Variants in DSCAM observed in about 807,000 individuals in gnomAD.
The protein encoded by DSCAM is cell adhesion molecule DSCAM.
A neutral mutation model predicts 217.7 loss-of-function variants in DSCAM; 47 were observed. That is an observed-to-expected ratio of 0.22 (90% CI 0.17 to 0.28). The LOEUF (loss-of-function observed/expected upper bound fraction) is 0.28. Ranked by LOEUF, DSCAM falls within the 10% of genes least tolerant of loss-of-function variation. The probability of loss-of-function intolerance (pLI) is 1.00; values close to 1 mark genes in which losing one functional copy is unlikely to be tolerated. For missense variants in DSCAM, 2,080 were observed against 2,618.3 expected, an observed-to-expected ratio of 0.79 and a Z score of 4.49; for synonymous variants, 1,056 against 1,015.3, an observed-to-expected ratio of 1.04 and a Z score of -0.76.
At position 40,784,230 on chromosome 21, in the gene DSCAM, A is replaced by T. The variant is rs183455988; in HGVS notation, c.43+62389T>A. On this transcript the variant is annotated intron_variant, in intron 1 of 32. Transcript: ENST00000400454. ...GGAGAAACCCAGTGGGAGGTAATTG[A>T]ATCATGGGGGCGGTTTCCCCTATAC... Among the ~76,000 whole-genome samples, 1,000 of 152,236 alleles carry T rather than the reference A, an allele frequency of 6.6e-3. 5 individuals are homozygous for T. The highest frequency in any genetic ancestry group is 0.011 in the Non-Finnish European group (774 of 68,006).
rs138462221 is a variant in DSCAM, at chr21:40,198,686, G to A, written c.2357-9448C>T. Among the ~76,000 whole-genome samples, 1,183 of 152,316 alleles carry A rather than the reference G, an allele frequency of 7.8e-3. 18 individuals are homozygous for A. Among genetic ancestry groups the A allele is most frequent in the African/African-American group, 0.028 (1,148 of 41,562 alleles). On this transcript the variant is annotated intron_variant, in intron 11 of 32. Coordinates refer to ENST00000400454, the MANE Select transcript of DSCAM (RefSeq NM_001389.5). The stretch of plus-strand genomic sequence containing the variant: ...CCATAGCCATTGCTGGGCAGTTGCA[G>A]GAAAGGGGAGCCTGGGGCTCCAGGG...
chr21:40,395,861 A>G (rs549020734), intron 3 of DSCAM, among the ~76,000 whole-genome samples: 138 of 152,284 alleles, frequency 9.1e-4, no homozygotes, highest in African/African-American at 2.9e-3. Flanking sequence ...TGACCTGATC[A>G]TTTATTTGCC....
chr21:40,708,716 C>T lies in DSCAM; in HGVS notation c.99G>A (p.Glu33=), dbSNP rs763085684. The change falls in exon 2 of 33, where the codon GAG becomes GAA. Residue 33 remains glutamate, a synonymous_variant. Coordinates refer to ENST00000400454, the MANE Select transcript of DSCAM (RefSeq NM_001389.5). ...TCCCCGTGGTGCTGGCAAACACTAC[C>T]TCTTGCAGAGATGCATTGACAAAGT... is the stretch of plus-strand genomic sequence containing the variant. ...SLYFVNASLQ[E]VVFASTTGTL... 4 of 1,608,680 alleles carry T rather than the reference C, an allele frequency of 2.5e-6. No individual in the cohort carries two copies. Among genetic ancestry groups the T allele is most frequent in the South Asian group, 1.1e-5 (1 of 89,390 alleles).
chr21:40,688,737 C>T (rs991842875), intron 3 of DSCAM, among the ~76,000 whole-genome samples: 1 of 152,148 alleles, frequency 6.6e-6, no homozygotes, highest in Non-Finnish European at 1.5e-5. Context: ...AAGGGTCACC[C>T]TGTAAGGCCC....
intron 1 of DSCAM, among the ~76,000 whole-genome samples, chr21:40,805,636 C>A (rs2091779388): frequency 6.6e-6 from 1 of 152,018 alleles, no homozygotes; most frequent in African/African-American, 2.4e-5. Flanking sequence ...CCTATACCAT[C>A]TAGCCTGTTG....
Position 40,347,662 on chromosome 21 carries a change from C to A in DSCAM, c.1210+8G>T, listed in dbSNP as rs1276244864. On this transcript the variant is annotated splice_region_variant and intron_variant, in intron 6 of 32. Coordinates refer to ENST00000400454, the MANE Select transcript of DSCAM (RefSeq NM_001389.5). ...TTTCAGCCATACCCTGAAACGAGGC[C>A]CACTGACCTTCAAGGACCACCTGCA... 1 of 1,613,168 alleles carries A rather than the reference C, an allele frequency of 6.2e-7. No individual in the cohort carries two copies. The highest frequency in any genetic ancestry group is 8.5e-7 in the Non-Finnish European group (1 of 1,179,782).
chr21:40,077,674 ATCCCC>A, intron 26 of DSCAM, among the ~76,000 whole-genome samples: 1 of 152,198 alleles, frequency 6.6e-6, no homozygotes, highest in Non-Finnish European at 1.5e-5. Flanking sequence ...ATTGAAAGGC[ATCCCC>A]TCACAAAGCA....
chr21:40,831,357 G>A (rs754339675), intron 1 of DSCAM, among the ~76,000 whole-genome samples: 7 of 152,170 alleles, frequency 4.6e-5, no homozygotes, highest in Non-Finnish European at 8.8e-5. Context: ...TTTATTACAA[G>A]AGCTTTCAGT....
rs144128929 is a variant in DSCAM at position 40,030,554 on chromosome 21, G to A, written c.5686+11817C>T. On this transcript the variant is annotated intron_variant, in intron 32 of 32. Transcript: ENST00000400454. ...GCCAGGAGATAGGAATGAGCTTGGC[G>A]TTCACAACAGGGATCAAGAGTTCCC... Among the ~76,000 whole-genome samples the A allele has an allele frequency of 2.0e-3, 306 of 152,274 alleles. 3 individuals are homozygous for A. In the East Asian group the frequency reaches 0.028, roughly 14 times the overall value.
intron 3 of DSCAM, among the ~76,000 whole-genome samples, chr21:40,636,663 T>C (rs996169495): frequency 2.6e-5 from 4 of 151,968 alleles, no homozygotes; most frequent in Admixed American, 6.6e-5. Context: ...TATATTTTCA[T>C]TGTCTCCACT....
At chr21:40,487,308 T>C (rs8131826) in intron 3 of DSCAM, among the ~76,000 whole-genome samples, 15 of 99,230 alleles carry the variant, frequency 1.5e-4, no homozygotes, top group African/African-American at 3.8e-4. Context: ...TGCGTGCGTG[T>C]GTGTGTGTGT....
chr21:40,250,824 C>T (rs77819817), intron 11 of DSCAM, among the ~76,000 whole-genome samples: 1 of 152,200 alleles, frequency 6.6e-6, no homozygotes, highest in African/African-American at 2.4e-5. Flanking sequence ...TAAAGGGCTA[C>T]CTTGGCAAGT....
intron 1 of DSCAM, among the ~76,000 whole-genome samples, chr21:40,757,271 C>T (rs1272518965): frequency 5.3e-5 from 8 of 152,082 alleles, no homozygotes; most frequent in Non-Finnish European, 1.2e-4. Flanking sequence ...GTGATCCACC[C>T]GTCTCGGCCT....
In DSCAM at chr21:40,708,475, G is replaced by T; in HGVS notation, c.340C>A (p.Gln114Lys). 6.6e-7 allele frequency: 1 copy of T among 1,510,426 alleles called. No individual in the cohort carries two copies. The allele number at this position is 1,510,426 out of a possible 1,614,324, so 93.6% of individuals were successfully genotyped here. ...AENPSGKIRS[Q>K]DVHIKAVLRE... ...TCACCAGCCTTGATGTGGACATCCTGACTTCTAATTTTCCCTGAAGGATTT... is the reference window on the plus strand; with the variant it reads ...TCACCAGCCTTGATGTGGACATCCTTACTTCTAATTTTCCCTGAAGGATTT... The change falls in exon 2 of 33, where the codon CAG (glutamine) becomes AAG (lysine). Residue 114 changes from glutamine to lysine, a missense_variant. By Grantham distance (53) the Gln-to-Lys change is moderately conservative. This residue lies in a region of DSCAM where 568 missense variants were observed against 678.1 expected (regional missense o/e 0.84). Coordinates refer to ENST00000400454, the MANE Select transcript of DSCAM (RefSeq NM_001389.5).
intron 3 of DSCAM, among the ~76,000 whole-genome samples, chr21:40,673,572 C>G (rs1308148423): frequency 6.6e-6 from 1 of 152,094 alleles, no homozygotes; most frequent in Non-Finnish European, 1.5e-5. Flanking sequence ...TGGCTTGGAT[C>G]TGTGTCACTG....
At chr21:40,837,397 T>C (rs2092065792) in intron 1 of DSCAM, among the ~76,000 whole-genome samples, 1 of 151,840 alleles carries the variant, frequency 6.6e-6, no homozygotes, top group Non-Finnish European at 1.5e-5. Flanking sequence ...CTGATGAGAG[T>C]TCCTTGCCCA....
At chr21:40,195,637 C>A (rs2090999610) in intron 11 of DSCAM, among the ~76,000 whole-genome samples, 1 of 152,136 alleles carries the variant, frequency 6.6e-6, no homozygotes. Flanking sequence ...GGAAGTTTCT[C>A]AGTCCCTCCA....
At chr21:40,231,850 T>G (rs192889370) in intron 11 of DSCAM, among the ~76,000 whole-genome samples, 2 of 152,348 alleles carry the variant, frequency 1.3e-5, no homozygotes, top group Admixed American at 1.3e-4. Context: ...CTACAAGCTC[T>G]TCATGTGTCA....
At chr21:40,025,837 A>G (rs2088370082) in intron 32 of DSCAM, among the ~76,000 whole-genome samples, 1 of 150,536 alleles carries the variant, frequency 6.6e-6, no homozygotes, top group Admixed American at 6.6e-5. Flanking sequence ...TGGATTCATT[A>G]ATTTTTTGAA....
Sources: allele counts gnomAD v4.1 joint callset (sites outside exome capture counted in the v4.1 genomes callset), GRCh38; gene constraint gnomAD v4.1.1; regional missense constraint gnomAD v4.1.1; transcripts MANE v1.5; gene names NCBI Gene and HGNC (gene_info 2026-07-23, HGNC 2026-07-21).